The following TSPAN5 variants were observed in gnomAD, a reference collection of about 807,000 sequenced individuals.
TSPAN5 encodes tetraspanin 5.
In TSPAN5, 10 loss-of-function variants were observed where a neutral mutation model predicts 37.1. The observed-to-expected ratio is 0.27, with a 90% CI of 0.17 to 0.46. The LOEUF (loss-of-function observed/expected upper bound fraction) is 0.46. Among genes scored for constraint, TSPAN5 ranks in the 20% least tolerant of loss-of-function variants. The pLI, the probability that TSPAN5 is intolerant of heterozygous loss-of-function variation, is 1.00. For missense variants in TSPAN5, 195 were observed against 326.6 expected (o/e 0.60, Z 3.11); for synonymous variants, 110 against 118.9 (o/e 0.93, Z 0.48).
intron 1 of TSPAN5, among the ~76,000 whole-genome samples, chr4:98,643,233 C>T (rs1210416707): frequency 1.3e-5 from 2 of 152,116 alleles, no homozygotes; most frequent in East Asian, 3.8e-4. Context: ...TATTCATTAC[C>T]ATAACATGCT....
At position 98,486,901 on chromosome 4, in the gene TSPAN5, A is replaced by T; in HGVS notation, c.133-17T>A. ...CAGAACTCCCTGGGAGCAGAAAAGA[A>T]CACACAACAAGGCACGGGGATGTGG... is the stretch of plus-strand genomic sequence containing the variant. On this transcript the variant is annotated splice_polypyrimidine_tract_variant and intron_variant, in intron 2 of 7. Coordinates refer to ENST00000305798, the MANE Select transcript of TSPAN5 (RefSeq NM_005723.4). 1 of 1,612,890 alleles carries T rather than the reference A, an allele frequency of 6.2e-7. No individual in the cohort carries two copies.
chr4:98,564,773 C>T (rs888449491), intron 1 of TSPAN5, among the ~76,000 whole-genome samples: 1 of 151,924 alleles, frequency 6.6e-6, no homozygotes, highest in African/African-American at 2.4e-5. Context: ...CGGCTCACTG[C>T]AGGCTTCGCC....
chr4:98,637,730 T>C (rs780932279), intron 1 of TSPAN5, among the ~76,000 whole-genome samples: 2 of 152,212 alleles, frequency 1.3e-5, no homozygotes, highest in Non-Finnish European at 2.9e-5. Flanking sequence ...TCTGAACAAA[T>C]GTCCCCACTT....
In TSPAN5 at chr4:98,621,789, C is replaced by T. The variant is rs1359835393; in HGVS notation, c.81+36357G>A. 2.3e-5 allele frequency among the ~76,000 whole-genome samples: 3 copies of T among 127,768 alleles called. No individual in the cohort carries two copies. In the South Asian group the frequency reaches 7.4e-4, roughly 32 times the overall value. The allele number at this position is 127,768 out of a possible 152,430, so 83.8% of individuals were successfully genotyped here. On this transcript the variant is annotated intron_variant, in intron 1 of 7. Transcript: ENST00000305798. ...ATCCCAAAAGGAGACCTCATTCCCA[C>T]CCCCCCCGCAGCCCCTGGCAACCAT...
intron 3 of TSPAN5, chr4:98,482,447 A>C (rs1752861807): frequency 3.8e-6 from 1 of 266,436 alleles, no homozygotes; most frequent in African/African-American, 2.2e-5. Context: ...GATAATAAGG[A>C]TTTCTCATTA....
intron 1 of TSPAN5, among the ~76,000 whole-genome samples, chr4:98,577,389 C>T (rs999499108): frequency 6.6e-6 from 1 of 152,144 alleles, no homozygotes; most frequent in Non-Finnish European, 1.5e-5. Flanking sequence ...GTTTCCCCCC[C>T]TGAAACTCCA....
intron 1 of TSPAN5, among the ~76,000 whole-genome samples, chr4:98,605,183 CTGG>C (rs1184866470): frequency 6.6e-6 from 1 of 152,122 alleles, no homozygotes; most frequent in Non-Finnish European, 1.5e-5. Context: ...TTCAGAAAGT[CTGG>C]TGACCTACTG....
At chr4:98,505,107 A>T (rs932666647) in intron 2 of TSPAN5, among the ~76,000 whole-genome samples, 3 of 152,002 alleles carry the variant, frequency 2.0e-5, no homozygotes, top group Non-Finnish European at 4.4e-5. Context: ...ACCTCCAAAT[A>T]TCATTACATT....
intron 1 of TSPAN5, among the ~76,000 whole-genome samples, chr4:98,588,373 C>T (rs2110204195): frequency 6.6e-6 from 1 of 151,508 alleles, no homozygotes; most frequent in Non-Finnish European, 1.5e-5. Context: ...AAGGACAGTG[C>T]TGGGTGTTAA....
At position 98,556,533 on chromosome 4, in the gene TSPAN5, C is replaced by T. The variant is rs1377746252; in HGVS notation, c.82-48805G>A. Among the ~76,000 whole-genome samples the T allele has an allele frequency of 5.3e-5, 8 of 152,282 alleles. No individual in the cohort carries two copies. In the East Asian group the frequency reaches 7.7e-4, roughly 15 times the overall value. ...AACCCTAAGAAAGAATAAAAAAACA[C>T]CATACCCTAAACTTGCGTGTTCTCA... On this transcript the variant is annotated intron_variant, in intron 1 of 7. Coordinates refer to ENST00000305798, the MANE Select transcript of TSPAN5 (RefSeq NM_005723.4).
chr4:98,651,448 G>A (rs1420686161), intron 1 of TSPAN5, among the ~76,000 whole-genome samples: 1 of 152,194 alleles, frequency 6.6e-6, no homozygotes, highest in Non-Finnish European at 1.5e-5. Flanking sequence ...ATTAAATGGT[G>A]TTAATGTATC....
intron 2 of TSPAN5, among the ~76,000 whole-genome samples, chr4:98,497,098 G>A (rs1332729626): frequency 2.0e-5 from 3 of 151,980 alleles, no homozygotes; most frequent in Non-Finnish European, 4.4e-5. Context: ...AGACTGAGGC[G>A]GGCAGATCAT....
intron 1 of TSPAN5, among the ~76,000 whole-genome samples, chr4:98,634,311 AG>A (rs1560568423): frequency 6.6e-6 from 1 of 152,136 alleles, no homozygotes; most frequent in Non-Finnish European, 1.5e-5. Flanking sequence ...GATGGGTACA[AG>A]GGGCCTTTTG....
At position 98,598,442 on chromosome 4, in the gene TSPAN5, C is replaced by T. The variant is rs555754732; in HGVS notation, c.81+59704G>A. The stretch of plus-strand genomic sequence containing the variant: ...GCTGTAGACCGGAGCTGTTCCTATT[C>T]GGCCATCTTGGCTCCTCCCTCCTGT... On this transcript the variant is annotated intron_variant, in intron 1 of 7. Coordinates refer to ENST00000305798, the MANE Select transcript of TSPAN5 (RefSeq NM_005723.4). Among the ~76,000 whole-genome samples, 3 of 151,126 alleles carry T rather than the reference C, an allele frequency of 2.0e-5. No individual in the cohort carries two copies. The South Asian group carries it at 6.3e-4, about 32-fold the overall frequency.
chr4:98,582,855 G>A (rs1484623409), intron 1 of TSPAN5, among the ~76,000 whole-genome samples: 2 of 152,108 alleles, frequency 1.3e-5, no homozygotes, highest in Admixed American at 1.3e-4. Flanking sequence ...TTCTATTAAG[G>A]CACTTATCAC....
At chr4:98,518,236 T>C (rs1207500747) in intron 1 of TSPAN5, among the ~76,000 whole-genome samples, 1 of 152,056 alleles carries the variant, frequency 6.6e-6, no homozygotes, top group Non-Finnish European at 1.5e-5. Context: ...TAAAGGTTAA[T>C]GCAAATAAAA....
At chr4:98,527,562 A>T (rs1339979478) in intron 1 of TSPAN5, among the ~76,000 whole-genome samples, 1 of 152,242 alleles carries the variant, frequency 6.6e-6, no homozygotes, top group Non-Finnish European at 1.5e-5. Context: ...GCTTTGAAGA[A>T]AATATGAAAA....
At chr4:98,518,625 A>G (rs1328051253) in intron 1 of TSPAN5, among the ~76,000 whole-genome samples, 1 of 152,238 alleles carries the variant, frequency 6.6e-6, no homozygotes. Context: ...CAAAGCCTGA[A>G]ACAGCATCTC....
At chr4:98,475,664 T>C (rs1191930637) in intron 7 of TSPAN5, among the ~76,000 whole-genome samples, 1 of 152,176 alleles carries the variant, frequency 6.6e-6, no homozygotes, top group Non-Finnish European at 1.5e-5. Flanking sequence ...AAGTATTTCA[T>C]GATAGTAGCA....
Sources: allele counts gnomAD v4.1 joint callset (sites outside exome capture counted in the v4.1 genomes callset), GRCh38; gene constraint gnomAD v4.1.1; transcripts MANE v1.5; gene names NCBI Gene and HGNC (gene_info 2026-07-23, HGNC 2026-07-21).